Variants in CTCF observed in about 807,000 individuals in gnomAD.
The protein encoded by CTCF is CCCTC-binding factor, also known as transcriptional repressor CTCF.
A neutral mutation model predicts 72.3 loss-of-function variants in CTCF; 7 were observed. The observed-to-expected ratio is 0.10, with a 90% confidence interval of 0.06 to 0.18. The LOEUF (loss-of-function observed/expected upper bound fraction) is 0.18, where lower values mean the gene tolerates loss of function less well. Ranked by LOEUF, CTCF falls within the 10% of genes least tolerant of loss-of-function variation. The pLI is 1.00. For missense variants in CTCF, 516 were observed against 949.1 expected, an observed-to-expected ratio of 0.54 and a Z score of 6.00; for synonymous variants, 374 against 315.8, an observed-to-expected ratio of 1.18 and a Z score of -1.95.
At chr16:67,637,062 A>T (rs376342893) in intron 11 of CTCF, among the ~76,000 whole-genome samples, 2 of 152,254 alleles carry the variant, frequency 1.3e-5, no homozygotes, top group Admixed American at 6.5e-5. Flanking sequence ...TTTCAAGAAG[A>T]AGTCCAGAGT....
chr16:67,581,953 G>A (rs1461055432), intron 2 of CTCF, among the ~76,000 whole-genome samples: 1 of 152,174 alleles, frequency 6.6e-6, no homozygotes, highest in African/African-American at 2.4e-5. Flanking sequence ...GCCGGGTGCA[G>A]TGGCTCATGC....
chr16:67,584,486 G>T (rs1009642682), intron 2 of CTCF, among the ~76,000 whole-genome samples: 2 of 151,502 alleles, frequency 1.3e-5, no homozygotes, highest in Admixed American at 6.6e-5. Flanking sequence ...GATTACAGGC[G>T]TGGTGGAATT....
At chr16:67,625,050 G>A (rs933449370) in intron 7 of CTCF, among the ~76,000 whole-genome samples, 2 of 151,986 alleles carry the variant, frequency 1.3e-5, no homozygotes, top group African/African-American at 2.4e-5. Context: ...TCATTTTCCC[G>A]AGTAGCTGGG....
chr16:67,618,294 C>T (rs1242622681), intron 5 of CTCF, among the ~76,000 whole-genome samples: 4 of 152,000 alleles, frequency 2.6e-5, no homozygotes, highest in Admixed American at 1.3e-4. Context: ...CTCAGCGACT[C>T]GGGAGCCTGA....
At chr16:67,633,781 GACACACACACACACAC>G (rs10587869) in intron 10 of CTCF, among the ~76,000 whole-genome samples, 3 of 143,106 alleles carry the variant, frequency 2.1e-5, no homozygotes, top group Non-Finnish European at 4.6e-5. Context: ...CTTGTCCCCT[GACACACACACACACAC>G]ACACACACAC....
chr16:67,568,524 G>A (rs1024694978), intron 1 of CTCF: 6 of 152,104 alleles, frequency 3.9e-5, no homozygotes, highest in Non-Finnish European at 7.3e-5. Flanking sequence ...GAGAAGCTGG[G>A]ATTACAGGTG....
intron 8 of CTCF, chr16:67,626,999 G>A (rs80190634): frequency 0.034 from 8,979 of 261,540 alleles, 193 homozygotes; most frequent in Middle Eastern, 0.1. Context: ...AATCTCATGC[G>A]GGGACATGAC....
intron 2 of CTCF, among the ~76,000 whole-genome samples, chr16:67,588,994 A>G (rs1489696132): frequency 1.3e-5 from 2 of 152,014 alleles, no homozygotes; most frequent in East Asian, 3.9e-4. Context: ...CCCAGCCTCA[A>G]AATAATAAAT....
intron 2 of CTCF, among the ~76,000 whole-genome samples, chr16:67,582,319 A>G (rs924110068): frequency 6.6e-6 from 1 of 152,068 alleles, no homozygotes; most frequent in Admixed American, 6.6e-5. Flanking sequence ...TCCTTTGGGC[A>G]TAGCAGTCCT....
intron 9 of CTCF, 26 bp from the exon 10 acceptor site, chr16:67,629,372 A>T (rs2142868978): frequency 6.3e-7 from 1 of 1,585,088 alleles, no homozygotes; most frequent in Non-Finnish European, 8.6e-7. Context: ...TAGTGGTGTG[A>T]AAGAGGATTT....
chr16:67,583,450 G>A (rs2051618163), intron 2 of CTCF, among the ~76,000 whole-genome samples: 1 of 151,922 alleles, frequency 6.6e-6, no homozygotes, highest in Non-Finnish European at 1.5e-5. Flanking sequence ...ACCTTGGGAG[G>A]CTGAGGCAGG....
chr16:67,637,810 G>C lies in CTCF; in HGVS notation c.2122G>C (p.Ala708Pro). The C allele has an allele frequency of 1.2e-6, 2 of 1,612,880 alleles. No homozygotes were observed. The highest frequency in any genetic ancestry group is 4.5e-5 in the East Asian group (2 of 44,876). ...AGAGGAAGAGGAGGCCCAGCCAGCT[G>C]CCACAGATGCCCCCAACGGAGACCT... ...EGEEEEAQPA[A>P]TDAPNGDLTP... The change falls in exon 12 of 12, where the codon GCC (alanine) becomes CCC (proline). Residue 708 changes from alanine to proline, a missense_variant. Transcript: ENST00000264010.
At chr16:67,570,858 G>C (rs2051409205) in intron 1 of CTCF, 1 of 151,476 alleles carries the variant, frequency 6.6e-6, no homozygotes, top group African/African-American at 2.4e-5. Context: ...TCCCACCCTG[G>C]CTTCCGAAAG....
intron 2 of CTCF, among the ~76,000 whole-genome samples, chr16:67,603,325 C>G (rs181771882): frequency 6.6e-6 from 1 of 151,416 alleles, no homozygotes; most frequent in Admixed American, 6.6e-5. Context: ...GTCAGGAGAT[C>G]GAGACCATCC....
intron 2 of CTCF, among the ~76,000 whole-genome samples, chr16:67,606,105 T>C (rs1008102077): frequency 6.6e-6 from 1 of 152,208 alleles, no homozygotes; most frequent in Non-Finnish European, 1.5e-5. Flanking sequence ...TGAGGTATTT[T>C]GTTATTCAAG....
intron 2 of CTCF, among the ~76,000 whole-genome samples, chr16:67,586,246 A>C (rs1400787689): frequency 2.0e-5 from 3 of 152,122 alleles, no homozygotes; most frequent in Non-Finnish European, 4.4e-5. Context: ...CCAAAAATAC[A>C]AAAAATTAGG....
Position 67,636,852 on chromosome 16 carries a change from G to GC in CTCF, c.1999+1_1999+2insC. 1 of 1,569,594 alleles carries GC rather than the reference G, an allele frequency of 6.4e-7. No homozygotes were observed. On this transcript the variant is annotated splice_donor_variant, in intron 11 of 11. Transcript: ENST00000264010. LOFTEE classifies it high-confidence loss of function. ...ACCAACCAGCCCAAACAGAACCAGCGTAAGTTGTTCATCTCTGCTCTGGAG... is the reference window on the plus strand; with the variant it reads ...ACCAACCAGCCCAAACAGAACCAGCGCTAAGTTGTTCATCTCTGCTCTGGAG...
intron 2 of CTCF, among the ~76,000 whole-genome samples, chr16:67,575,564 C>T (rs1367970717): frequency 6.6e-6 from 1 of 152,030 alleles, no homozygotes; most frequent in Non-Finnish European, 1.5e-5. Flanking sequence ...CCTGCCTCAG[C>T]CTCCTGAATA....
chr16:67,622,768 T>G (rs2052219092), intron 7 of CTCF, among the ~76,000 whole-genome samples: 1 of 147,826 alleles, frequency 6.8e-6, no homozygotes, highest in Non-Finnish European at 1.5e-5. Context: ...CTCAGCCTCC[T>G]GAGTAGCTGA....
Sources: gnomAD v4.1 joint callset for allele counts (sites outside exome capture counted in the v4.1 genomes callset) on GRCh38, gnomAD v4.1.1 for gene constraint, MANE v1.5 for transcripts, NCBI Gene and HGNC (gene_info 2026-07-23, HGNC 2026-07-21) for gene names.